Variants in EIF2B3 observed in about 807,000 individuals in gnomAD.
EIF2B3 encodes the protein eukaryotic translation initiation factor 2B subunit gamma.
EIF2B3 carries 20 observed loss-of-function variants against 54.1 expected under a neutral mutation model. That is an observed-to-expected ratio of 0.37 (90% CI 0.26 to 0.54). EIF2B3 has a LOEUF of 0.54. Among genes scored for constraint, EIF2B3 ranks in the 20% least tolerant of loss-of-function variants. The pLI is 0.86. For synonymous variants in EIF2B3, 153 were observed against 188.1 expected, an observed-to-expected ratio of 0.81 and a Z score of 1.52; for missense variants, 448 against 547.8, an observed-to-expected ratio of 0.82 and a Z score of 1.82.
intron 5 of EIF2B3, among the ~76,000 whole-genome samples, chr1:44,898,719 G>A (rs1444079292): frequency 6.6e-6 from 1 of 152,172 alleles, no homozygotes; most frequent in African/African-American, 2.4e-5. Context: ...GCTCTGACTG[G>A]AGATAGCCAC....
At chr1:44,962,702 A>T (rs1644297978) in intron 3 of EIF2B3, among the ~76,000 whole-genome samples, 1 of 152,222 alleles carries the variant, frequency 6.6e-6, no homozygotes, top group South Asian at 2.1e-4. Flanking sequence ...GGTGTGAGCC[A>T]CTGTACCTGA....
At chr1:44,983,809 C>G (rs539764867) in intron 1 of EIF2B3, among the ~76,000 whole-genome samples, 1 of 151,984 alleles carries the variant, frequency 6.6e-6, no homozygotes, top group Non-Finnish European at 1.5e-5. Context: ...CAGGTTCAAG[C>G]GATTCTCCTG....
intron 10 of EIF2B3, among the ~76,000 whole-genome samples, chr1:44,863,923 C>T (rs1188105206): frequency 6.6e-6 from 1 of 152,124 alleles, no homozygotes; most frequent in Admixed American, 6.6e-5. Flanking sequence ...TGTTTCTGGT[C>T]ACTCTTGCTC....
chr1:44,966,918 T>C (rs1235565916), intron 3 of EIF2B3, among the ~76,000 whole-genome samples: 1 of 151,936 alleles, frequency 6.6e-6, no homozygotes, highest in Non-Finnish European at 1.5e-5. Flanking sequence ...GTGTCCCAGG[T>C]TCAGGCAATT....
At chr1:44,930,669 C>T (rs1331223811) in intron 4 of EIF2B3, among the ~76,000 whole-genome samples, 1 of 152,156 alleles carries the variant, frequency 6.6e-6, no homozygotes, top group Admixed American at 6.5e-5. Context: ...GAGGTGCAGT[C>T]TTGCTCTGTC....
intron 3 of EIF2B3, among the ~76,000 whole-genome samples, chr1:44,967,254 C>G (rs1644352075): frequency 1.4e-5 from 2 of 146,580 alleles, no homozygotes; most frequent in Admixed American, 6.8e-5. Context: ...CGAGACCAGC[C>G]TGGCCAATAT....
At chr1:44,938,782 C>T (rs981953298) in intron 4 of EIF2B3, among the ~76,000 whole-genome samples, 2 of 151,920 alleles carry the variant, frequency 1.3e-5, no homozygotes, top group Non-Finnish European at 1.5e-5. Flanking sequence ...CCATGGTGCC[C>T]CCCAGTATCT....
chr1:44,855,127 G>A lies in EIF2B3; in HGVS notation c.1306+2577C>T, dbSNP rs112459504. On this transcript the variant is annotated intron_variant, in intron 11 of 11. Coordinates refer to ENST00000360403, the MANE Select transcript of EIF2B3 (RefSeq NM_020365.5). The stretch of plus-strand genomic sequence containing the variant: ...AAAAGAAGAAGTAATAGTGGAAAAA[G>A]GCAACTGGCCAGGGAGTTCCTGTGG... Among the ~76,000 whole-genome samples the A allele has an allele frequency of 1.1e-3, 161 of 151,758 alleles. 1 individual carries two copies. The highest frequency in any genetic ancestry group is 3.2e-3 in the Admixed American group (49 of 15,244).
chr1:44,978,393 C>T lies in EIF2B3; in HGVS notation c.216G>A (p.Lys72=), dbSNP rs371181750. 48 of 1,614,008 alleles carry T rather than the reference C, an allele frequency of 3.0e-5. No homozygotes were observed. The African/African-American group carries it at 6.1e-4, about 21-fold the overall frequency. The change falls in exon 3 of 12, where the codon AAG becomes AAA. Residue 72 remains lysine, a synonymous_variant. Transcript: ENST00000360403. ...CATCAGGAATACACACAATATCTGG[C>T]TTCATTTTCATCTTGAATTCTGCAC... ...ALCAEFKMKM[K]PDIVCIPDDA...
chr1:44,963,050 C>T (rs1313406071), intron 3 of EIF2B3, among the ~76,000 whole-genome samples: 3 of 151,538 alleles, frequency 2.0e-5, no homozygotes, highest in African/African-American at 7.3e-5. Context: ...TGGCAAAACC[C>T]CATCTCTTCA....
intron 6 of EIF2B3, among the ~76,000 whole-genome samples, chr1:44,882,922 C>CTTTTTCT (rs1655452775): frequency 7.4e-6 from 1 of 135,272 alleles, no homozygotes; most frequent in Non-Finnish European, 1.6e-5. Flanking sequence ...ACTTTTTTTT[C>CTTTTTCT]TTTTTCTTTT....
At chr1:44,934,869 C>T (rs896557779) in intron 4 of EIF2B3, among the ~76,000 whole-genome samples, 1 of 152,142 alleles carries the variant, frequency 6.6e-6, no homozygotes, top group African/African-American at 2.4e-5. Flanking sequence ...AACACAGAAG[C>T]CCAAACAGGT....
intron 3 of EIF2B3, among the ~76,000 whole-genome samples, chr1:44,971,675 A>G (rs1644400388): frequency 6.6e-6 from 1 of 152,190 alleles, no homozygotes. Context: ...CAAAAATCCC[A>G]AGCTCTTTGC....
chr1:44,984,179 C>CA (rs1034882273), intron 1 of EIF2B3, among the ~76,000 whole-genome samples: 4 of 149,384 alleles, frequency 2.7e-5, no homozygotes, highest in South Asian at 4.3e-4. Flanking sequence ...GACTCCGTCT[C>CA]AAAAAAAATA....
chr1:44,983,528 A>T (rs1644536481), intron 1 of EIF2B3, among the ~76,000 whole-genome samples: 1 of 152,140 alleles, frequency 6.6e-6, no homozygotes, highest in African/African-American at 2.4e-5. Flanking sequence ...GGTATTATAT[A>T]ACATCCACCA....
At chr1:44,966,114 T>C (rs1371112407) in intron 3 of EIF2B3, among the ~76,000 whole-genome samples, 1 of 151,760 alleles carries the variant, frequency 6.6e-6, no homozygotes, top group Non-Finnish European at 1.5e-5. Context: ...CTTAGCCCTA[T>C]GAACTCTCAA....
intron 5 of EIF2B3, among the ~76,000 whole-genome samples, chr1:44,898,521 A>G (rs946000348): frequency 6.6e-6 from 1 of 152,166 alleles, no homozygotes; most frequent in Non-Finnish European, 1.5e-5. Context: ...GCCTAGGTGT[A>G]AAAAATGCCA....
intron 10 of EIF2B3, among the ~76,000 whole-genome samples, chr1:44,862,772 T>C (rs1465689976): frequency 6.6e-6 from 1 of 152,200 alleles, no homozygotes; most frequent in African/African-American, 2.4e-5. Flanking sequence ...TAATTTTTTG[T>C]ATTTTTAGTA....
At chr1:44,923,760 T>C (rs1289313653) in intron 5 of EIF2B3, among the ~76,000 whole-genome samples, 1 of 151,954 alleles carries the variant, frequency 6.6e-6, no homozygotes, top group African/African-American at 2.4e-5. Context: ...AATTTCTTTC[T>C]TTTCCTCCCT....
Sources: gnomAD v4.1 joint callset for allele counts (sites outside exome capture counted in the v4.1 genomes callset) on GRCh38, gnomAD v4.1.1 for gene constraint, MANE v1.5 for transcripts, NCBI Gene and HGNC (gene_info 2026-07-23, HGNC 2026-07-21) for gene names.